The following CARHSP1 variants were observed in gnomAD, a reference collection of about 807,000 sequenced individuals.
CARHSP1 encodes the protein calcium regulated heat stable protein 1, also known as calcium-regulated heat-stable protein 1.
CARHSP1 carries 14 observed loss-of-function variants against 12.5 expected under a neutral mutation model. That is an observed-to-expected ratio of 1.12 (90% CI 0.74 to 1.75). CARHSP1 has a LOEUF of 1.75. Ranked by LOEUF, CARHSP1 falls within the 40% of genes most tolerant of loss-of-function variation. CARHSP1 has a pLI of 0.00. For missense variants in CARHSP1, 343 were observed against 201.6 expected (o/e 1.70, Z -4.25); for synonymous variants, 161 against 82.0 (o/e 1.96, Z -5.20).
intron 1 of CARHSP1, among the ~76,000 whole-genome samples, chr16:8,864,146 T>C (rs1379220329): frequency 6.6e-6 from 1 of 152,252 alleles, no homozygotes; most frequent in Non-Finnish European, 1.5e-5. Context: ...CACAGGTATG[T>C]AGGTGTATGC....
Position 8,855,001 on chromosome 16 carries a change from C to G in CARHSP1, c.*163G>C. Reference sequence around the variant, plus strand: ...TGCTGATGGCCGGGAACACCCCACACCCCACACCTGCCCCCCATACCCCTT... The same window carrying G: ...TGCTGATGGCCGGGAACACCCCACAGCCCACACCTGCCCCCCATACCCCTT... On this transcript the variant is annotated 3_prime_UTR_variant, in exon 4 of 4. Coordinates refer to ENST00000311052, the MANE Select transcript of CARHSP1 (RefSeq NM_014316.4). 6.0e-6 allele frequency: 3 copies of G among 500,634 alleles called. No individual in the cohort carries two copies. In the South Asian group the frequency reaches 9.4e-5, roughly 16 times the overall value. 31.0% of individuals were successfully genotyped at this position (500,634 alleles called of 1,614,324 possible).
intron 3 of CARHSP1, among the ~76,000 whole-genome samples, chr16:8,855,789 C>T (rs1315157750): frequency 1.3e-5 from 2 of 152,152 alleles, no homozygotes; most frequent in African/African-American, 2.4e-5. Flanking sequence ...TCTCAGAAAC[C>T]GCACCGTGTC....
chr16:8,859,471 C>G, intron 1 of CARHSP1, 136 bp from the exon 2 acceptor site: 4 of 799,510 alleles, frequency 5.0e-6, no homozygotes, highest in East Asian at 2.8e-5. Context: ...GTCACCTTGT[C>G]TGGGAGCACG....
rs1293004427 is a variant in CARHSP1, at chr16:8,860,075, C to T, written c.-7-740G>A. On this transcript the variant is annotated intron_variant, in intron 1 of 3. Coordinates refer to ENST00000311052, the MANE Select transcript of CARHSP1 (RefSeq NM_014316.4). ...CTCCCTGACGCTGCTGGGAGCCAGA[C>T]ACCACAGGGAAGCAGGGGCAAAAAC... 13 of 924,558 alleles carry T rather than the reference C, an allele frequency of 1.4e-5. No homozygotes were observed. In the South Asian group the frequency reaches 5.0e-4, roughly 35 times the overall value. 57.3% of individuals were successfully genotyped at this position (924,558 alleles called of 1,614,324 possible). A position where few individuals can be genotyped will look rare whatever the true frequency, so the allele number is the denominator to read the frequency against.
chr16:8,857,263 G>GTTTTTTGTTTTTTTTTTT lies in CARHSP1; in HGVS notation c.281+1086_281+1087insAAAAAAAAAAACAAAAAA, dbSNP rs1315960023. 1.0e-3 allele frequency among the ~76,000 whole-genome samples: 57 copies of GTTTTTTGTTTTTTTTTTT among 57,036 alleles called. 4 individuals carry two copies. Among genetic ancestry groups the GTTTTTTGTTTTTTTTTTT allele is most frequent in the Middle Eastern group, 0.014 (1 of 70 alleles). The allele number at this position is 57,036 out of a possible 152,430, so 37.4% of individuals were successfully genotyped here. A position where few individuals can be genotyped will look rare whatever the true frequency, so the allele number is the denominator to read the frequency against. ...TGGCTATGTGATCTTGGGCAGATCTGTTTTTTTTTTTTTTTTTTTTTTTTT... is the reference window on the plus strand; with the variant it reads ...TGGCTATGTGATCTTGGGCAGATCTGTTTTTTGTTTTTTTTTTTTTTTTTTTTTTTTTTTTTTTTTTTT... On this transcript the variant is annotated intron_variant, in intron 3 of 3. Transcript: ENST00000311052.
intron 1 of CARHSP1, among the ~76,000 whole-genome samples, chr16:8,862,787 G>C (rs539126481): frequency 1.2e-4 from 18 of 152,248 alleles, no homozygotes; most frequent in African/African-American, 4.3e-4. Context: ...GAAAGGGTAG[G>C]GCCCGCTCAG....
intron 3 of CARHSP1, 104 bp from the exon 4 acceptor site, chr16:8,855,430 C>G (rs2061067976): frequency 9.5e-7 from 1 of 1,055,134 alleles, no homozygotes; most frequent in Admixed American, 3.3e-5. Context: ...AAGCAGGCAC[C>G]ATCTGACCAA....
intron 1 of CARHSP1, 73 bp from the exon 2 acceptor site, chr16:8,859,408 G>C (rs917200430): frequency 2.2e-6 from 3 of 1,335,652 alleles, no homozygotes; most frequent in Non-Finnish European, 2.1e-6. Context: ...CCATGTCCAC[G>C]TCTGACAGTC....
At chr16:8,857,619 C>G (rs1454688005) in intron 3 of CARHSP1, 1 of 123,824 alleles carries the variant, frequency 8.1e-6, no homozygotes, top group Non-Finnish European at 1.7e-5. Context: ...AATGGACTTT[C>G]ACCCTTGTCA....
At chr16:8,860,033 C>T (rs551784293) in intron 1 of CARHSP1, 1 of 539,608 alleles carries the variant, frequency 1.9e-6, no homozygotes, top group East Asian at 1.5e-4. Flanking sequence ...GATCCAAACT[C>T]AGCCACTCCA....
At chr16:8,860,339 C>A (rs2061312492) in intron 1 of CARHSP1, 4 of 985,408 alleles carry the variant, frequency 4.1e-6, no homozygotes, top group Non-Finnish European at 4.8e-6. Flanking sequence ...CTTCTGTGAC[C>A]CCTAGTATGT....
intron 1 of CARHSP1, among the ~76,000 whole-genome samples, chr16:8,861,065 A>C (rs917702615): frequency 8.8e-6 from 1 of 113,798 alleles, no homozygotes; most frequent in East Asian, 2.9e-4. Flanking sequence ...AAAATAAATA[A>C]CTTTTATTTT....
chr16:8,858,373 G>T lies in CARHSP1; in HGVS notation c.258C>A (p.Pro86=). ...ACTCAGAGATGTGCAGGAAGATGTC[G>T]GGGCCGCCATCAGCTGGAGTAATGA... is the stretch of plus-strand genomic sequence containing the variant. ...HGFITPADGG[P]DIFLHISDVE... Residue 86 remains proline (P), a synonymous_variant, in exon 3 of 4, where the codon CCC becomes CCA. Transcript: ENST00000311052. The T allele has an allele frequency of 6.2e-7, 1 of 1,613,900 alleles. No homozygotes were observed.
At chr16:8,857,263 G>GTTTTTGTTTTTTGTTTTT (rs2061150279) in intron 3 of CARHSP1, among the ~76,000 whole-genome samples, 1 of 57,036 alleles carries the variant, frequency 1.8e-5, no homozygotes, top group East Asian at 8.9e-4. Context: ...GGGCAGATCT[G>GTTTTTGTTTTTTGTTTTT]TTTTTTTTTT....
chr16:8,854,995 C>A lies in CARHSP1; in HGVS notation c.*169G>T. 2 of 510,854 alleles carry A rather than the reference C, an allele frequency of 3.9e-6. No individual in the cohort carries two copies. The highest frequency in any genetic ancestry group is 6.8e-6 in the Non-Finnish European group (2 of 296,244). The allele number at this position is 510,854 out of a possible 1,614,324, so 31.6% of individuals were successfully genotyped here. On this transcript the variant is annotated 3_prime_UTR_variant, in exon 4 of 4. Transcript: ENST00000311052. ...AGGCTGTGCTGATGGCCGGGAACACCCCACACCCCACACCTGCCCCCCATA... is the reference window on the plus strand; with the variant it reads ...AGGCTGTGCTGATGGCCGGGAACACACCACACCCCACACCTGCCCCCCATA...
Position 8,858,280 on chromosome 16 carries a change from C to T in CARHSP1, c.281+70G>A. On this transcript the variant is annotated intron_variant, in intron 3 of 3. Coordinates refer to ENST00000311052, the MANE Select transcript of CARHSP1 (RefSeq NM_014316.4). ...CCCAGCGCCCATCAGAGTCACACAC[C>T]ATCCCCACCTCCACAGGGCCAAGGA... is the stretch of plus-strand genomic sequence containing the variant. 2.6e-6 allele frequency: 4 copies of T among 1,565,110 alleles called. No homozygotes were observed. The South Asian group carries it at 4.7e-5, about 18-fold the overall frequency.
At chr16:8,857,275 T>TGTTTTTTGTTTTTG (rs745394430) in intron 3 of CARHSP1, among the ~76,000 whole-genome samples, 1 of 100,632 alleles carries the variant, frequency 9.9e-6, no homozygotes, top group East Asian at 2.9e-4. Flanking sequence ...TTTTTTTTTT[T>TGTTTTTTGTTTTTG]TTTTTTTTTT....
chr16:8,861,780 C>A, intron 1 of CARHSP1: 2 of 1,267,464 alleles, frequency 1.6e-6, no homozygotes, highest in Admixed American at 2.5e-5. Context: ...CCCCGCATGA[C>A]CTACCAGCAC....
At chr16:8,858,187 C>T (rs113791688) in intron 3 of CARHSP1, 163 bp downstream of exon 3, 294 of 821,638 alleles carry the variant, frequency 3.6e-4, no homozygotes, top group Non-Finnish European at 4.4e-4. Context: ...ACCCAACACA[C>T]ACACAGGAGC....
Sources: allele counts gnomAD v4.1 joint callset (sites outside exome capture counted in the v4.1 genomes callset), GRCh38; gene constraint gnomAD v4.1.1; transcripts MANE v1.5; gene names NCBI Gene and HGNC (gene_info 2026-07-23, HGNC 2026-07-21).